The following KCNQ1 variants were observed in gnomAD, a reference collection of about 807,000 sequenced individuals.
KCNQ1 encodes the protein potassium voltage-gated channel subfamily KQT member 1.
In KCNQ1, 49 loss-of-function variants were observed where a neutral mutation model predicts 72.4. The observed-to-expected ratio is 0.68, with a 90% confidence interval of 0.54 to 0.86. The LOEUF (loss-of-function observed/expected upper bound fraction) is 0.86, where lower values mean the gene tolerates loss of function less well. Among genes scored for constraint, KCNQ1 ranks in the 40% least tolerant of loss-of-function variants. KCNQ1 has a pLI of 0.00. For synonymous variants in KCNQ1, 450 were observed against 412.6 expected (o/e 1.09, Z -1.10); for missense variants, 790 against 945.1 (o/e 0.84, Z 2.15).
At position 2,808,331 on chromosome 11, in the gene KCNQ1, C is replaced by T. The variant is rs1847419873; in HGVS notation, c.1794+30294C>T. Among the ~76,000 whole-genome samples, 6 of 152,190 alleles carry T rather than the reference C, an allele frequency of 3.9e-5. No homozygotes were observed. In the South Asian group the frequency reaches 1.2e-3, roughly 32 times the overall value. ...AGAACTCGGTCCTGGCATCACAGAG[C>T]TACCCCGGTCAAAAATATACCATGT... is the stretch of plus-strand genomic sequence containing the variant. On this transcript the variant is annotated intron_variant, in intron 15 of 15. Transcript: ENST00000155840. The surrounding 1 kb of genome is among the most constrained non-coding windows in gnomAD (Gnocchi z 6.0).
Position 2,663,178 on chromosome 11 carries a change from G to C in KCNQ1, c.1514+1097G>C. 7.5e-6 allele frequency: 3 copies of C among 398,764 alleles called. No individual in the cohort carries two copies. Among genetic ancestry groups the C allele is most frequent in the Non-Finnish European group, 8.8e-6 (2 of 226,178 alleles). The allele number at this position is 398,764 out of a possible 1,614,324, so 24.7% of individuals were successfully genotyped here. On this transcript the variant is annotated intron_variant, in intron 11 of 15. Transcript: ENST00000155840. This position sits in a 1 kb window ranked among gnomAD's most constrained non-coding sequence, Gnocchi z 5.2. ...TCCAGGCCCCCCCAGTTCACAGAGA[G>C]GTTGGCAGTACCTCATGGTGGGTAG... is the stretch of plus-strand genomic sequence containing the variant.
intron 6 of KCNQ1, among the ~76,000 whole-genome samples, chr11:2,581,714 T>A (rs1301324775): frequency 6.6e-6 from 1 of 152,262 alleles, no homozygotes; most frequent in Non-Finnish European, 1.5e-5. Flanking sequence ...GGGTCGTGTG[T>A]TTCCGTGTGT....
chr11:2,791,382 T>C (rs1847019025), intron 15 of KCNQ1, among the ~76,000 whole-genome samples: 1 of 152,196 alleles, frequency 6.6e-6, no homozygotes, highest in Non-Finnish European at 1.5e-5. Context: ...CTGGCTGCCC[T>C]GGCCAACCTC....
intron 10 of KCNQ1, chr11:2,643,885 G>A (rs926736915): frequency 4.0e-5 from 16 of 398,398 alleles, no homozygotes; most frequent in African/African-American, 6.2e-5. Flanking sequence ...TGGCTGGCAG[G>A]TTTTTGGTTT....
At position 2,447,102 on chromosome 11, in the gene KCNQ1, CG is replaced by C. The variant is rs1846050002; in HGVS notation, c.386+1621del. On this transcript the variant is annotated intron_variant, in intron 1 of 15. Transcript: ENST00000155840. This position sits in a 1 kb window ranked among gnomAD's most constrained non-coding sequence, Gnocchi z 7.6. The stretch of plus-strand genomic sequence containing the variant: ...ATTCAGGTTTGTGGACACATGCCTC[CG>C]GGCTCACTGCAGCCACCCGTGTGGA... Among the ~76,000 whole-genome samples the C allele has an allele frequency of 6.6e-6, 1 of 152,202 alleles. No homozygotes were observed. Among genetic ancestry groups the C allele is most frequent in the Non-Finnish European group, 1.5e-5 (1 of 68,046 alleles).
rs1275955372 is a variant in KCNQ1 at position 2,482,627 on chromosome 11, A to G, written c.386+37143A>G. ...ATTTAGCTTCCTACTGTGCTGCTGGACATCACTGACTCCCCCCGCCAACCC... is the reference window on the plus strand; with the variant it reads ...ATTTAGCTTCCTACTGTGCTGCTGGGCATCACTGACTCCCCCCGCCAACCC... On this transcript the variant is annotated intron_variant, in intron 1 of 15. Transcript: ENST00000155840. This position sits in a 1 kb window ranked among gnomAD's most constrained non-coding sequence, Gnocchi z 5.7. Among the ~76,000 whole-genome samples the G allele has an allele frequency of 2.0e-5, 3 of 152,104 alleles. No homozygotes were observed. The East Asian group carries it at 5.8e-4, about 29-fold the overall frequency.
At chr11:2,807,864 T>C (rs549944027) in intron 15 of KCNQ1, among the ~76,000 whole-genome samples, 3 of 152,170 alleles carry the variant, frequency 2.0e-5, no homozygotes, top group Non-Finnish European at 4.4e-5. Context: ...GGTCACCAAC[T>C]TGAGGCTGCC....
rs2188198 is a variant in KCNQ1 at position 2,547,616 on chromosome 11, T to A, written c.477+19598T>A. ...CCTGGTTTCTCATTTAACCCTTTAC[T>A]GTCTGGCTTACCGTTTTTATTAATC... On this transcript the variant is annotated intron_variant, in intron 2 of 15. Transcript: ENST00000155840. The surrounding 1 kb of genome is among the most constrained non-coding windows in gnomAD (Gnocchi z 4.2). 0.24 allele frequency among the ~76,000 whole-genome samples: 36,024 copies of A among 152,138 alleles called. 4,850 individuals carry two copies. Among genetic ancestry groups the A allele is most frequent in the African/African-American group, 0.37 (15,336 of 41,450 alleles).
At position 2,583,417 on chromosome 11, in the gene KCNQ1, C is replaced by T. The variant is rs750681207; in HGVS notation, c.922-18C>T. 2.3e-5 allele frequency: 36 copies of T among 1,582,790 alleles called. 1 individual carries two copies. The South Asian group carries it at 3.9e-4, about 17-fold the overall frequency. ...CTCCAGTCCCATCCGTGGCTGACCA[C>T]TGTCCCTCTCCCTGCAGGTCACAGT... On this transcript the variant is annotated intron_variant, in intron 6 of 15. Coordinates refer to ENST00000155840, the MANE Select transcript of KCNQ1 (RefSeq NM_000218.3).
At chr11:2,845,691 A>G (rs1848312266) in intron 15 of KCNQ1, among the ~76,000 whole-genome samples, 1 of 152,150 alleles carries the variant, frequency 6.6e-6, no homozygotes, top group South Asian at 2.1e-4. Flanking sequence ...GCAGAACCAC[A>G]GGGGAGCCAG....
chr11:2,802,941 G>A (rs534066829), intron 15 of KCNQ1, among the ~76,000 whole-genome samples: 1 of 152,348 alleles, frequency 6.6e-6, no homozygotes, highest in South Asian at 2.1e-4. Context: ...CAGCCAGGGA[G>A]GTGGGCTAGA....
Position 2,847,748 on chromosome 11 carries a change from T to C in KCNQ1, c.1795-19T>C. On this transcript the variant is annotated intron_variant, in intron 15 of 15. Transcript: ENST00000155840. ...GTGCTTCCCACCACTGACTCTCTCG[T>C]CTGCCTTTGTCCCCGCAGGTGACGC... 6.4e-7 allele frequency: 1 copy of C among 1,569,400 alleles called. No homozygotes were observed. The highest frequency in any genetic ancestry group is 8.6e-7 in the Non-Finnish European group (1 of 1,156,480).
In KCNQ1 at chr11:2,815,664, A is replaced by G. The variant is rs163175; in HGVS notation, c.1795-32103A>G. 1 allele frequency among the ~76,000 whole-genome samples: 152,034 copies of G among 152,202 alleles called. 75,933 individuals carry two copies. Among genetic ancestry groups the G allele is most frequent in the Middle Eastern group, 1 (294 of 294 alleles). On this transcript the variant is annotated intron_variant, in intron 15 of 15. Coordinates refer to ENST00000155840, the MANE Select transcript of KCNQ1 (RefSeq NM_000218.3). This position sits in a 1 kb window ranked among gnomAD's most constrained non-coding sequence, Gnocchi z 5.4. ...CACCATCGCCCCCAGCCCCAGGCTGACCCCAGTCCCTCCCTATGCAGGCAG... is the reference window on the plus strand; with the variant it reads ...CACCATCGCCCCCAGCCCCAGGCTGGCCCCAGTCCCTCCCTATGCAGGCAG...
intron 1 of KCNQ1, among the ~76,000 whole-genome samples, chr11:2,505,076 A>G (rs1243915227): frequency 6.6e-6 from 1 of 151,078 alleles, no homozygotes; most frequent in Admixed American, 6.6e-5. Context: ...TTTTAATTTA[A>G]GTCCCAGGAC....
intron 6 of KCNQ1, among the ~76,000 whole-genome samples, chr11:2,580,562 C>T (rs1372337654): frequency 1.3e-5 from 2 of 152,334 alleles, no homozygotes; most frequent in East Asian, 3.9e-4. Flanking sequence ...TGAAGAGCAA[C>T]GTCCCACTGC....
rs1047462655 is a variant in KCNQ1, at chr11:2,750,752, G to A, written c.1515-18092G>A. ...CTCATAATCTCCTGGGCTGCTGGGC[G>A]AAATGGGATCCCCTGGCTCTTTCAC... is the stretch of plus-strand genomic sequence containing the variant. On this transcript the variant is annotated intron_variant, in intron 11 of 15. Coordinates refer to ENST00000155840, the MANE Select transcript of KCNQ1 (RefSeq NM_000218.3). This position sits in a 1 kb window ranked among gnomAD's most constrained non-coding sequence, Gnocchi z 6.3. Among the ~76,000 whole-genome samples the A allele has an allele frequency of 2.0e-5, 3 of 152,194 alleles. No homozygotes were observed. Among genetic ancestry groups the A allele is most frequent in the Non-Finnish European group, 4.4e-5 (3 of 68,036 alleles).
intron 1 of KCNQ1, among the ~76,000 whole-genome samples, chr11:2,448,011 C>T (rs1324064062): frequency 6.6e-6 from 1 of 152,210 alleles, no homozygotes; most frequent in African/African-American, 2.4e-5. Flanking sequence ...CTCTTGCCCG[C>T]TTAGGCTTCC....
rs377225732 is a variant in KCNQ1 at position 2,564,112 on chromosome 11, ACCATTTCAGCCATTTCAG to A, written c.478-6498_478-6481del. ...AGAGAACACACATAACGTAAAATTCACCATTTCAGCCATTTCAGCCATTTCAGCCATTTCACAGCGTGC... is the reference window on the plus strand; with the variant it reads ...AGAGAACACACATAACGTAAAATTCACCATTTCAGCCATTTCACAGCGTGC... On this transcript the variant is annotated intron_variant, in intron 2 of 15. Transcript: ENST00000155840. This position sits in a 1 kb window ranked among gnomAD's most constrained non-coding sequence, Gnocchi z 4.5. Among the ~76,000 whole-genome samples, 29 of 152,256 alleles carry A rather than the reference ACCATTTCAGCCATTTCAG, an allele frequency of 1.9e-4. No homozygotes were observed. Among genetic ancestry groups the A allele is most frequent in the South Asian group, 1.0e-3 (5 of 4,826 alleles).
intron 11 of KCNQ1, among the ~76,000 whole-genome samples, chr11:2,709,090 C>G (rs552322494): frequency 6.6e-6 from 1 of 152,300 alleles, no homozygotes; most frequent in East Asian, 1.9e-4. Context: ...GCTGCCATCA[C>G]TGGCGAGCGG....
Sources: gnomAD v4.1 joint callset for allele counts (sites outside exome capture counted in the v4.1 genomes callset) on GRCh38, gnomAD v4.1.1 for gene constraint, Gnocchi (gnomAD v3.1) non-coding constraint, MANE v1.5 for transcripts, NCBI Gene and HGNC (gene_info 2026-07-23, HGNC 2026-07-21) for gene names.